LHX8: variants seen among roughly 807,000 people sequenced by gnomAD.
The protein encoded by LHX8 is LIM homeobox 8.
Under a neutral mutation model 40.3 loss-of-function variants are expected in LHX8, and 12 were observed. The ratio of observed to expected loss-of-function variants is 0.30; its 90% confidence interval spans 0.19 to 0.48. The LOEUF is 0.48. Ranked by LOEUF, LHX8 falls within the 20% of genes least tolerant of loss-of-function variation. LHX8 has a pLI of 0.99. For synonymous variants in LHX8, 179 were observed against 162.0 expected, an observed-to-expected ratio of 1.10 and a Z score of -0.80; for missense variants, 344 against 433.7, an observed-to-expected ratio of 0.79 and a Z score of 1.84.
chr1:75,166,534 C>T, the LHX8 span, among the ~76,000 whole-genome samples: 5 of 152,294 alleles, frequency 3.3e-5, no homozygotes, highest in African/African-American at 9.6e-5. Context: ...AGAACCACTA[C>T]TAGTTATTAG....
chr1:75,164,266 A>G (rs188485778), downstream of LHX8, among the ~76,000 whole-genome samples: 60 of 152,174 alleles, frequency 3.9e-4, no homozygotes, highest in African/African-American at 1.4e-3. Context: ...TATCACCCTT[A>G]TTTTACAAAC....
upstream of LHX8, chr1:75,131,376 C>A (rs541858326): frequency 6.4e-6 from 1 of 155,958 alleles, no homozygotes; most frequent in African/African-American, 2.4e-5. Flanking sequence ...GGGGACTTTC[C>A]CTACTTAAAG....
chr1:75,166,623 GA>G, the LHX8 span, among the ~76,000 whole-genome samples: 1 of 152,168 alleles, frequency 6.6e-6, no homozygotes, highest in Non-Finnish European at 1.5e-5. Flanking sequence ...ATCTTTGGTT[GA>G]AACTCCTCCA....
At chr1:75,174,467 A>G in the LHX8 span, among the ~76,000 whole-genome samples, 2 of 152,156 alleles carry the variant, frequency 1.3e-5, no homozygotes, top group African/African-American at 2.4e-5. Flanking sequence ...GCTGGGGTCC[A>G]TAGCTTCTCT....
At chr1:75,193,151 A>G in the LHX8 span, among the ~76,000 whole-genome samples, 2 of 152,156 alleles carry the variant, frequency 1.3e-5, no homozygotes, top group African/African-American at 4.8e-5. Context: ...AAGTCAAATT[A>G]TCACCTTTCT....
At chr1:75,194,576 A>G in the LHX8 span, among the ~76,000 whole-genome samples, 5 of 152,010 alleles carry the variant, frequency 3.3e-5, no homozygotes, top group South Asian at 1.0e-3. Flanking sequence ...TTCATTATTC[A>G]CTCTAATGTC....
downstream of LHX8, among the ~76,000 whole-genome samples, chr1:75,165,391 A>C (rs1344388708): frequency 1.3e-5 from 2 of 152,296 alleles, no homozygotes; most frequent in East Asian, 3.9e-4. Flanking sequence ...AATTTCCCCC[A>C]GTTCCTTGAG....
intron 7 of LHX8, among the ~76,000 whole-genome samples, chr1:75,155,482 C>A (rs2100358968): frequency 6.6e-6 from 1 of 152,204 alleles, no homozygotes; most frequent in Non-Finnish European, 1.5e-5. Context: ...GATTCGCCCG[C>A]CTTGGCCTCC....
chr1:75,159,551 A>C (rs1156809166), intron 8 of LHX8: 2 of 152,178 alleles, frequency 1.3e-5, no homozygotes, highest in Non-Finnish European at 2.9e-5. Context: ...TTCAGTTTTA[A>C]GATTTCCATT....
At chr1:75,164,056 G>C (rs763672850), downstream of LHX8, among the ~76,000 whole-genome samples, 13 of 152,142 alleles carry the variant, frequency 8.5e-5, no homozygotes, top group Non-Finnish European at 1.5e-4. Flanking sequence ...CTGATATTTT[G>C]TTATAGCAGC....
At chr1:75,179,396 T>A in the LHX8 span, among the ~76,000 whole-genome samples, 1 of 152,216 alleles carries the variant, frequency 6.6e-6, no homozygotes. Flanking sequence ...TTAGCTCTCC[T>A]TGTTGAATTG....
chr1:75,165,303 GT>G (rs1328338993), downstream of LHX8, among the ~76,000 whole-genome samples: 1 of 152,094 alleles, frequency 6.6e-6, no homozygotes, highest in African/African-American at 2.4e-5. Flanking sequence ...TAGGCCTTTG[GT>G]TTTAATATGC....
At chr1:75,172,550 G>T in the LHX8 span, among the ~76,000 whole-genome samples, 2 of 152,148 alleles carry the variant, frequency 1.3e-5, no homozygotes, top group Non-Finnish European at 2.9e-5. Flanking sequence ...ATAATTCTGG[G>T]TATGAAATTC....
chr1:75,165,728 A>G (rs1315357017), downstream of LHX8, among the ~76,000 whole-genome samples: 1 of 152,200 alleles, frequency 6.6e-6, no homozygotes, highest in Non-Finnish European at 1.5e-5. Flanking sequence ...AAAAACAATC[A>G]GAATAAGACT....
downstream of LHX8, among the ~76,000 whole-genome samples, chr1:75,164,025 G>A (rs1648983191): frequency 6.6e-6 from 1 of 152,160 alleles, no homozygotes; most frequent in Non-Finnish European, 1.5e-5. Context: ...ATACATTTCT[G>A]TTGTTCATAA....
rs1012613882 is a variant in LHX8, at chr1:75,160,958, C to A, written c.*63C>A. ...TTTGTCATTTATTATGTATAAAATA[C>A]CATTGAAAAGATATTACTGTTAATT... On this transcript the variant is annotated 3_prime_UTR_variant, in exon 9 of 9. Transcript: ENST00000356261. 2.5e-6 allele frequency: 3 copies of A among 1,208,352 alleles called. No individual in the cohort carries two copies. In the African/African-American group the frequency reaches 4.5e-5, roughly 18 times the overall value. 74.9% of individuals were successfully genotyped at this position (1,208,352 alleles called of 1,614,324 possible). A position where few individuals can be genotyped will look rare whatever the true frequency, so the allele number is the denominator to read the frequency against.
At chr1:75,149,482 TTTG>T (rs369217010) in intron 7 of LHX8, among the ~76,000 whole-genome samples, 369 of 152,074 alleles carry the variant, frequency 2.4e-3, no homozygotes, top group African/African-American at 7.5e-3. Context: ...GTAGTGTGGT[TTTG>T]TTGTTGTTGT....
chr1:75,192,869 T>C, the LHX8 span, among the ~76,000 whole-genome samples: 8 of 152,224 alleles, frequency 5.3e-5, no homozygotes, highest in Admixed American at 3.9e-4. Flanking sequence ...ATTTTTGTAT[T>C]TTTAGTAGAG....
the LHX8 span, among the ~76,000 whole-genome samples, chr1:75,173,374 CTTTTTTTTTTTTTTTTT>C: frequency 2.1e-5 from 2 of 96,464 alleles, no homozygotes; most frequent in African/African-American, 4.1e-5. Flanking sequence ...GATATATACT[CTTTTTTTTTTTTTTTTT>C]TTTTTTTTTT....
Sources: allele counts gnomAD v4.1 joint callset (sites outside exome capture counted in the v4.1 genomes callset), GRCh38; gene constraint gnomAD v4.1.1; transcripts MANE v1.5; gene names NCBI Gene and HGNC (gene_info 2026-07-23, HGNC 2026-07-21).